The following CDH12 variants were observed in gnomAD, a reference collection of about 807,000 sequenced individuals.
CDH12 encodes cadherin 12.
A neutral mutation model predicts 74.1 loss-of-function variants in CDH12; 41 were observed. That is an observed-to-expected ratio of 0.55 (90% CI 0.43 to 0.72). CDH12 has a LOEUF of 0.72. Among genes scored for constraint, CDH12 ranks in the 30% least tolerant of loss-of-function variants. CDH12 has a pLI of 0.00. For missense variants in CDH12, 945 were observed against 977.2 expected (o/e 0.97, Z 0.44); for synonymous variants, 399 against 355.0 (o/e 1.12, Z -1.39).
chr5:22,304,175 A>G (rs1247201498), intron 3 of CDH12, among the ~76,000 whole-genome samples: 2 of 152,128 alleles, frequency 1.3e-5, no homozygotes, highest in African/African-American at 4.8e-5. Flanking sequence ...TAATATGTAA[A>G]CCAGGACAGT....
chr5:22,065,516 A>C (rs4634320), intron 5 of CDH12, among the ~76,000 whole-genome samples: 56,604 of 151,580 alleles, frequency 0.37, 13,360 homozygotes, highest in African/African-American at 0.68. Context: ...AAATGTCACA[A>C]CTTTGGTCAC....
Position 22,684,015 on chromosome 5 carries a change from A to G in CDH12, c.-523+169043T>C, listed in dbSNP as rs534497909. Reference sequence around the variant, plus strand: ...GGCAGTGATATAACTGCAGTTAAGGACAATGTTACAGACCTCAAAGTGCAT... The same window carrying G: ...GGCAGTGATATAACTGCAGTTAAGGGCAATGTTACAGACCTCAAAGTGCAT... On this transcript the variant is annotated intron_variant, in intron 1 of 14. Transcript: ENST00000382254. Among the ~76,000 whole-genome samples, 6 of 152,332 alleles carry G rather than the reference A, an allele frequency of 3.9e-5. No homozygotes were observed. In the South Asian group the frequency reaches 1.2e-3, roughly 32 times the overall value.
chr5:22,457,422 T>A (rs996076216), intron 2 of CDH12, among the ~76,000 whole-genome samples: 2,385 of 130,084 alleles, frequency 0.018, 54 homozygotes, highest in African/African-American at 0.051. Flanking sequence ...CCTCTTCTTC[T>A]TCATTTTTTT....
At chr5:22,251,340 T>A (rs2150387570) in intron 3 of CDH12, among the ~76,000 whole-genome samples, 1 of 152,202 alleles carries the variant, frequency 6.6e-6, no homozygotes, top group South Asian at 2.1e-4. Flanking sequence ...AGTATAGGTG[T>A]GAGAGGGGCA....
At chr5:22,398,113 A>T (rs1486604853) in intron 3 of CDH12, among the ~76,000 whole-genome samples, 1 of 152,110 alleles carries the variant, frequency 6.6e-6, no homozygotes, top group Admixed American at 6.6e-5. Flanking sequence ...GGGATGCAAC[A>T]ATTAAGTCAA....
intron 4 of CDH12, among the ~76,000 whole-genome samples, chr5:22,098,684 A>G (rs1743949270): frequency 6.6e-6 from 1 of 152,006 alleles, no homozygotes; most frequent in African/African-American, 2.4e-5. Flanking sequence ...CCTGGCCCGG[A>G]CTTCAATCCG....
At chr5:22,404,093 A>G (rs186509530) in intron 3 of CDH12, among the ~76,000 whole-genome samples, 46 of 152,256 alleles carry the variant, frequency 3.0e-4, no homozygotes, top group African/African-American at 1.1e-3. Flanking sequence ...AATTATTATC[A>G]GACATATTTG....
At chr5:22,567,325 A>G (rs993938527) in intron 1 of CDH12, among the ~76,000 whole-genome samples, 1 of 152,182 alleles carries the variant, frequency 6.6e-6, no homozygotes, top group African/African-American at 2.4e-5. Context: ...CAATTTGAAA[A>G]TCCTAAAACT....
At chr5:22,374,761 G>T (rs1220857936) in intron 3 of CDH12, among the ~76,000 whole-genome samples, 1 of 151,410 alleles carries the variant, frequency 6.6e-6, no homozygotes, top group African/African-American at 2.4e-5. Context: ...GGGAGTGAAA[G>T]ATTTCTACAA....
chr5:22,631,732 C>A (rs897899580), intron 1 of CDH12, among the ~76,000 whole-genome samples: 1 of 152,146 alleles, frequency 6.6e-6, no homozygotes, highest in African/African-American at 2.4e-5. Context: ...CTGCTTCTGG[C>A]ATTCTGCTTC....
At chr5:22,817,579 A>G (rs542757484) in intron 1 of CDH12, among the ~76,000 whole-genome samples, 74 of 152,188 alleles carry the variant, frequency 4.9e-4, no homozygotes, top group African/African-American at 1.8e-3. Flanking sequence ...TTCTATACTG[A>G]GTTATATTGA....
intron 1 of CDH12, among the ~76,000 whole-genome samples, chr5:22,688,267 TG>T (rs1741914232): frequency 6.6e-6 from 1 of 152,048 alleles, no homozygotes; most frequent in African/African-American, 2.4e-5. Flanking sequence ...AAAGAAAAAT[TG>T]GGATAATTTA....
intron 1 of CDH12, among the ~76,000 whole-genome samples, chr5:22,849,053 A>G (rs965953628): frequency 6.6e-6 from 1 of 152,094 alleles, no homozygotes; most frequent in African/African-American, 2.4e-5. Context: ...TTCAACACAT[A>G]ACAAACCCTG....
chr5:21,894,205 C>T (rs767406196), intron 6 of CDH12, among the ~76,000 whole-genome samples: 6 of 151,726 alleles, frequency 4.0e-5, no homozygotes, highest in African/African-American at 1.5e-4. Context: ...ATAGTGACAC[C>T]TTGTCTCTAC....
chr5:22,708,570 A>G (rs269022), intron 1 of CDH12, among the ~76,000 whole-genome samples: 13,694 of 152,156 alleles, frequency 0.09, 1,285 homozygotes, highest in African/African-American at 0.24. Flanking sequence ...AGGGTAAAAG[A>G]AAGCAGGACA....
intron 3 of CDH12, among the ~76,000 whole-genome samples, chr5:22,310,350 T>C (rs1738331412): frequency 6.6e-6 from 1 of 151,324 alleles, no homozygotes; most frequent in Non-Finnish European, 1.5e-5. Flanking sequence ...TAATCCCAGA[T>C]ACTCAGGAGG....
At chr5:22,152,376 A>G (rs1747654688) in intron 4 of CDH12, 1 of 152,216 alleles carries the variant, frequency 6.6e-6, no homozygotes, top group Non-Finnish European at 1.5e-5. Flanking sequence ...TCTGTTTTAT[A>G]GAAGTGTGAA....
intron 2 of CDH12, among the ~76,000 whole-genome samples, chr5:22,481,541 G>A (rs886197918): frequency 3.9e-5 from 6 of 152,180 alleles, no homozygotes; most frequent in African/African-American, 1.4e-4. Context: ...AGGAAAGCCT[G>A]CCATTTGCAA....
chr5:22,717,248 T>C (rs990804450), intron 1 of CDH12, among the ~76,000 whole-genome samples: 1 of 152,158 alleles, frequency 6.6e-6, no homozygotes, highest in Non-Finnish European at 1.5e-5. Context: ...GTGAACCTTT[T>C]TTTTTAATCT....
Sources: gnomAD v4.1 joint callset for allele counts (sites outside exome capture counted in the v4.1 genomes callset) on GRCh38, gnomAD v4.1.1 for gene constraint, MANE v1.5 for transcripts, NCBI Gene and HGNC (gene_info 2026-07-23, HGNC 2026-07-21) for gene names.